The following HAS3 variants were observed in gnomAD, a reference collection of about 807,000 sequenced individuals.
The protein encoded by HAS3 is hyaluronan synthase 3.
In HAS3, 27 loss-of-function variants were observed where a neutral mutation model predicts 50.3. The observed-to-expected ratio is 0.54, with a 90% CI of 0.40 to 0.74. The LOEUF is 0.74. HAS3 is among the 30% of genes least tolerant of loss of function. The probability of loss-of-function intolerance (pLI) is 0.00; values close to 1 mark genes in which losing one functional copy is unlikely to be tolerated. For synonymous variants in HAS3, 339 were observed against 310.9 expected, an observed-to-expected ratio of 1.09 and a Z score of -0.95; for missense variants, 517 against 742.8, an observed-to-expected ratio of 0.70 and a Z score of 3.53.
chr16:69,107,351 G>T lies in HAS3; in HGVS notation c.-1+1564G>T. On this transcript the variant is annotated intron_variant, in intron 1 of 3. Coordinates refer to ENST00000569188, the MANE Select transcript of HAS3 (RefSeq NM_001199280.2). This position sits in a 1 kb window ranked among gnomAD's most constrained non-coding sequence, Gnocchi z 5.5. ...GAAGGAGAGGGCCGGCTACACCGGG[G>T]ATGCGCCTTTGTCTACAGGCACACT... 1 of 984,310 alleles carries T rather than the reference G, an allele frequency of 1.0e-6. No individual in the cohort carries two copies. Among genetic ancestry groups the T allele is most frequent in the Non-Finnish European group, 1.2e-6 (1 of 828,876 alleles). The allele number at this position is 984,310 out of a possible 1,614,324, so 61.0% of individuals were successfully genotyped here.
At chr16:69,102,026 C>T (rs1370373862), upstream of HAS3, among the ~76,000 whole-genome samples, 2 of 152,186 alleles carry the variant, frequency 1.3e-5, no homozygotes, top group East Asian at 1.9e-4. Flanking sequence ...CCTCGTGATC[C>T]ACCTGCCTCG....
At chr16:69,101,968 C>G (rs567149508), upstream of HAS3, among the ~76,000 whole-genome samples, 1 of 151,930 alleles carries the variant, frequency 6.6e-6, no homozygotes, top group Non-Finnish European at 1.5e-5. Context: ...GTATCTTTAG[C>G]GGAGACAGGG....
rs988900572 is a variant in HAS3 at position 69,106,075 on chromosome 16, G to A, written c.-1+288G>A. ...CGTCCCCGCCGAGCGCTGGCTTGTGGCGCTCCCTGGGACCGCGCGGGGTCG... is the reference window on the plus strand; with the variant it reads ...CGTCCCCGCCGAGCGCTGGCTTGTGACGCTCCCTGGGACCGCGCGGGGTCG... On this transcript the variant is annotated intron_variant, in intron 1 of 3. Coordinates refer to ENST00000569188, the MANE Select transcript of HAS3 (RefSeq NM_001199280.2). This position sits in a 1 kb window ranked among gnomAD's most constrained non-coding sequence, Gnocchi z 5.5. 1.3e-5 allele frequency among the ~76,000 whole-genome samples: 2 copies of A among 152,136 alleles called. No homozygotes were observed. The highest frequency in any genetic ancestry group is 2.9e-5 in the Non-Finnish European group (2 of 67,992).
chr16:69,108,971 G>A (rs1167752573), intron 1 of HAS3, among the ~76,000 whole-genome samples: 2 of 152,114 alleles, frequency 1.3e-5, no homozygotes, highest in Non-Finnish European at 2.9e-5. Context: ...TGGCCCTCAG[G>A]TGCCCAGAGC....
chr16:69,104,203 G>A (rs1960726608), upstream of HAS3, among the ~76,000 whole-genome samples: 1 of 151,134 alleles, frequency 6.6e-6, no homozygotes, highest in Admixed American at 6.6e-5. Context: ...CAATTCTCCT[G>A]CCTCAGCCTC....
At chr16:69,095,126 C>T in the HAS3 span, among the ~76,000 whole-genome samples, 2 of 151,940 alleles carry the variant, frequency 1.3e-5, no homozygotes, top group East Asian at 3.9e-4. Flanking sequence ...GGATTACAGG[C>T]ACGCGTCACC....
upstream of HAS3, among the ~76,000 whole-genome samples, chr16:69,101,376 C>T (rs1960695196): frequency 6.6e-6 from 1 of 152,164 alleles, no homozygotes; most frequent in Non-Finnish European, 1.5e-5. Flanking sequence ...TCTCGGCTCA[C>T]TGCAACCTCC....
At chr16:69,099,172 C>T in the HAS3 span, among the ~76,000 whole-genome samples, 4 of 151,708 alleles carry the variant, frequency 2.6e-5, no homozygotes, top group Admixed American at 6.6e-5. Flanking sequence ...GGGGTTTCAC[C>T]GTGTTAGCCA....
the HAS3 span, among the ~76,000 whole-genome samples, chr16:69,098,926 A>C: frequency 2.0e-5 from 3 of 151,224 alleles, no homozygotes; most frequent in African/African-American, 7.3e-5. Flanking sequence ...CTGCCTCCCA[A>C]AGTGGGATTA....
chr16:69,109,328 CCCATGCT>C lies in HAS3; in HGVS notation c.1-65_1-59del, dbSNP rs1359507095. On this transcript the variant is annotated intron_variant, in intron 1 of 3. Transcript: ENST00000569188. This position sits in a 1 kb window ranked among gnomAD's most constrained non-coding sequence, Gnocchi z 5.3. ...TCATGTCCACTAGTAACAGAGAACA[CCCATGCT>C]CCCACGGACTGGAAATGCTGCCTCC... is the stretch of plus-strand genomic sequence containing the variant. 19 of 1,486,492 alleles carry C rather than the reference CCCATGCT, an allele frequency of 1.3e-5. No individual in the cohort carries two copies. Among genetic ancestry groups the C allele is most frequent in the Non-Finnish European group, 1.7e-5 (19 of 1,099,868 alleles). The allele number at this position is 1,486,492 out of a possible 1,614,324, so 92.1% of individuals were successfully genotyped here. A position where few individuals can be genotyped will look rare whatever the true frequency, so the allele number is the denominator to read the frequency against.
In HAS3 at chr16:69,113,473, C is replaced by G. The variant is rs1304196322; in HGVS notation, c.669C>G (p.Ala223=). ...ACTCTGACACTGTGCTGGATCCAGC[C>G]TGCACCATCGAGATGCTTCGAGTCC... The part of the protein sequence containing the change: ...VCDSDTVLDP[A]CTIEMLRVLE... Residue 223 remains alanine (A), a synonymous_variant, in exon 3 of 4, where the codon GCC becomes GCG. Transcript: ENST00000569188. The G allele has an allele frequency of 6.2e-7, 1 of 1,613,810 alleles. No homozygotes were observed. Among genetic ancestry groups the G allele is most frequent in the East Asian group, 2.2e-5 (1 of 44,870 alleles).
At chr16:69,113,823 T>G (rs543700108) in intron 3 of HAS3, among the ~76,000 whole-genome samples, 1 of 152,178 alleles carries the variant, frequency 6.6e-6, no homozygotes. Context: ...AGGTACTTCC[T>G]TTTTGGCCGG....
chr16:69,108,444 T>C (rs1053494031), intron 1 of HAS3, among the ~76,000 whole-genome samples: 8 of 152,176 alleles, frequency 5.3e-5, no homozygotes, highest in Admixed American at 2.0e-4. Flanking sequence ...TGGGCTGTTA[T>C]AAAATACAGC....
chr16:69,088,281 C>G, the HAS3 span, among the ~76,000 whole-genome samples: 1 of 151,956 alleles, frequency 6.6e-6, no homozygotes, highest in Non-Finnish European at 1.5e-5. Context: ...CAAGTGGGGC[C>G]GGGCACAGTG....
Position 69,109,731 on chromosome 16 carries a change from C to T in HAS3, c.336C>T (p.Ser112=), listed in dbSNP as rs140470909. Residue 112 remains serine (S), a synonymous_variant, in exon 2 of 4, where the codon TCC becomes TCT. Transcript: ENST00000569188. The surrounding 1 kb of genome is among the most constrained non-coding windows in gnomAD (Gnocchi z 5.3). ...GCCTGCGCTCGGCCCAGCGCATCTCCTTCCCTGACCTCAAGGTGGTCATGG... is the reference window on the plus strand; with the variant it reads ...GCCTGCGCTCGGCCCAGCGCATCTCTTTCCCTGACCTCAAGGTGGTCATGG... ...RKCLRSAQRI[S]FPDLKVVMVV... The T allele has an allele frequency of 6.8e-6, 11 of 1,611,170 alleles. No individual in the cohort carries two copies. In the African/African-American group the frequency reaches 1.5e-4, roughly 21 times the overall value.
intron 2 of HAS3, among the ~76,000 whole-genome samples, chr16:69,111,981 T>A (rs1961017363): frequency 1.3e-5 from 2 of 152,220 alleles, no homozygotes; most frequent in Non-Finnish European, 2.9e-5. Flanking sequence ...AAGGTTGCCC[T>A]GGGCCAGAGC....
At chr16:69,094,714 G>C in the HAS3 span, among the ~76,000 whole-genome samples, 3 of 152,316 alleles carry the variant, frequency 2.0e-5, no homozygotes, top group East Asian at 3.9e-4. Context: ...AATCCAAGTT[G>C]TTTTGACAGT....
rs1320108030 is a variant in HAS3 at position 69,115,473 on chromosome 16, G to A, written c.*207G>A. ...GGCAACACTGATCCCCCAGATGCAG[G>A]GCTGCAGGGGATTCTGTGTTTTCAG... On this transcript the variant is annotated 3_prime_UTR_variant, in exon 4 of 4. Transcript: ENST00000569188. The A allele has an allele frequency of 7.8e-7, 1 of 1,274,254 alleles. No individual in the cohort carries two copies. The highest frequency in any genetic ancestry group is 1.5e-5 in the African/African-American group (1 of 65,850). The allele number at this position is 1,274,254 out of a possible 1,614,324, so 78.9% of individuals were successfully genotyped here.
At position 69,117,558 on chromosome 16, in the gene HAS3, CAT is replaced by C. The variant is rs928387719; in HGVS notation, c.*2295_*2296del. ...TATTGTTTCTACAATAATTTGTAAA[CAT>C]ATTTATTTTTACCTGCTTTTTTTTT... On this transcript the variant is annotated 3_prime_UTR_variant, in exon 4 of 4. Coordinates refer to ENST00000569188, the MANE Select transcript of HAS3 (RefSeq NM_001199280.2). The C allele has an allele frequency of 7.5e-6, 6 of 800,380 alleles. No homozygotes were observed. The highest frequency in any genetic ancestry group is 3.9e-5 in the African/African-American group (2 of 51,798). The allele number at this position is 800,380 out of a possible 1,614,324, so 49.6% of individuals were successfully genotyped here. A position where few individuals can be genotyped will look rare whatever the true frequency, so the allele number is the denominator to read the frequency against.
Sources: gnomAD v4.1 joint callset for allele counts (sites outside exome capture counted in the v4.1 genomes callset) on GRCh38, gnomAD v4.1.1 for gene constraint, Gnocchi (gnomAD v3.1) non-coding constraint, MANE v1.5 for transcripts, NCBI Gene and HGNC (gene_info 2026-07-23, HGNC 2026-07-21) for gene names.